Variants in ZNF385B observed in about 807,000 individuals in gnomAD.
The protein encoded by ZNF385B is zinc finger protein 385B, also known as zinc finger protein 533.
ZNF385B carries 23 observed loss-of-function variants against 39.2 expected under a neutral mutation model. That is an observed-to-expected ratio of 0.59 (90% CI 0.42 to 0.83). The LOEUF is 0.83. ZNF385B is among the 40% of genes least tolerant of loss of function. The pLI is 0.00. For missense variants in ZNF385B, 552 were observed against 598.9 expected, an observed-to-expected ratio of 0.92 and a Z score of 0.82; for synonymous variants, 205 against 222.6, an observed-to-expected ratio of 0.92 and a Z score of 0.70.
At chr2:179,571,689 G>T (rs879401028) in intron 3 of ZNF385B, among the ~76,000 whole-genome samples, 6 of 152,120 alleles carry the variant, frequency 3.9e-5, no homozygotes, top group Non-Finnish European at 8.8e-5. Context: ...TTCACATGGC[G>T]TTTCTCAAAT....
chr2:179,712,071 T>C (rs1700041887), intron 3 of ZNF385B, among the ~76,000 whole-genome samples: 1 of 152,016 alleles, frequency 6.6e-6, no homozygotes, highest in Admixed American at 6.6e-5. Context: ...ATGACACTCA[T>C]TAACATGGAT....
intron 3 of ZNF385B, among the ~76,000 whole-genome samples, chr2:179,574,227 T>C (rs180683124): frequency 1.7e-4 from 26 of 152,232 alleles, no homozygotes; most frequent in African/African-American, 6.3e-4. Flanking sequence ...CCACAATCTA[T>C]TTGGGGAAAA....
intron 3 of ZNF385B, among the ~76,000 whole-genome samples, chr2:179,721,320 T>C (rs553397186): frequency 1.5e-4 from 23 of 152,262 alleles, no homozygotes; most frequent in African/African-American, 5.5e-4. Context: ...AAATACAACT[T>C]AACCAAAATT....
chr2:179,856,857 A>G (rs183428254), intron 1 of ZNF385B, among the ~76,000 whole-genome samples: 1 of 152,344 alleles, frequency 6.6e-6, no homozygotes. Context: ...CCAAGCCCAC[A>G]GTACTTTCAA....
chr2:179,635,118 G>T (rs1438722189), intron 3 of ZNF385B, among the ~76,000 whole-genome samples: 1 of 151,416 alleles, frequency 6.6e-6, no homozygotes, highest in African/African-American at 2.4e-5. Context: ...CTCCAGCCTG[G>T]GCAACAGAGC....
intron 3 of ZNF385B, among the ~76,000 whole-genome samples, chr2:179,628,495 G>T (rs569405887): frequency 6.6e-6 from 1 of 152,240 alleles, no homozygotes; most frequent in Non-Finnish European, 1.5e-5. Context: ...AGACCTAGAG[G>T]TTTGAACAGA....
At chr2:179,696,099 T>C (rs180994677) in intron 3 of ZNF385B, among the ~76,000 whole-genome samples, 202 of 152,182 alleles carry the variant, frequency 1.3e-3, no homozygotes, top group African/African-American at 4.6e-3. Flanking sequence ...TTCCTTAGCA[T>C]TGAAGGTGTT....
intron 3 of ZNF385B, among the ~76,000 whole-genome samples, chr2:179,655,522 T>C (rs1243664249): frequency 6.8e-6 from 1 of 147,102 alleles, no homozygotes; most frequent in African/African-American, 2.5e-5. Flanking sequence ...CACATGTTAA[T>C]AGGTTAGGGT....
chr2:179,474,108 T>TAAA (rs10715636), intron 6 of ZNF385B, among the ~76,000 whole-genome samples: 6 of 146,676 alleles, frequency 4.1e-5, no homozygotes, highest in African/African-American at 1.5e-4. Context: ...CAATTTGATT[T>TAAA]AAAAAAAAAA....
intron 3 of ZNF385B, among the ~76,000 whole-genome samples, chr2:179,689,224 A>G (rs2106340072): frequency 6.6e-6 from 1 of 152,330 alleles, no homozygotes; most frequent in South Asian, 2.1e-4. Context: ...GGGTATGCTG[A>G]GGCAGATAAA....
intron 4 of ZNF385B, among the ~76,000 whole-genome samples, chr2:179,538,114 G>A (rs2105886071): frequency 6.6e-6 from 1 of 152,054 alleles, no homozygotes; most frequent in Admixed American, 6.6e-5. Context: ...TTATTTGACT[G>A]GGATAAATGT....
intron 6 of ZNF385B, among the ~76,000 whole-genome samples, chr2:179,468,204 T>C (rs1432503318): frequency 1.3e-5 from 2 of 152,230 alleles, no homozygotes; most frequent in African/African-American, 4.8e-5. Context: ...ACCTTCTGTA[T>C]CAGTGAACTG....
intron 3 of ZNF385B, among the ~76,000 whole-genome samples, chr2:179,746,627 C>T (rs1702398468): frequency 6.6e-6 from 1 of 152,122 alleles, no homozygotes; most frequent in African/African-American, 2.4e-5. Flanking sequence ...TATTTTAACA[C>T]TATAATCTTT....
intron 3 of ZNF385B, among the ~76,000 whole-genome samples, chr2:179,577,084 T>C (rs1342028274): frequency 6.6e-6 from 1 of 152,140 alleles, no homozygotes; most frequent in Non-Finnish European, 1.5e-5. Flanking sequence ...AAAGTATCAT[T>C]ATCTGCAAAT....
At position 179,584,216 on chromosome 2, in the gene ZNF385B, T is replaced by C. The variant is rs1434923302; in HGVS notation, c.299-39247A>G. The stretch of plus-strand genomic sequence containing the variant: ...AGGGATGTAGGCAGCATCCCTGGCC[T>C]CTACCTACTAGATGCCACTAGCATC... On this transcript the variant is annotated intron_variant, in intron 3 of 9. Transcript: ENST00000410066. 2.6e-5 allele frequency: 8 copies of C among 309,254 alleles called. No individual in the cohort carries two copies. In the East Asian group the frequency reaches 6.1e-4, roughly 24 times the overall value. The allele number at this position is 309,254 out of a possible 1,614,324, so 19.2% of individuals were successfully genotyped here. A position where few individuals can be genotyped will look rare whatever the true frequency, so the allele number is the denominator to read the frequency against.
At chr2:179,447,450 A>G (rs974606311) in intron 6 of ZNF385B, among the ~76,000 whole-genome samples, 1 of 152,194 alleles carries the variant, frequency 6.6e-6, no homozygotes, top group African/African-American at 2.4e-5. Context: ...ATTTAAAGAC[A>G]TTTTGGCAGT....
At chr2:179,502,873 C>A (rs913036421) in intron 5 of ZNF385B, among the ~76,000 whole-genome samples, 1 of 152,016 alleles carries the variant, frequency 6.6e-6, no homozygotes, top group African/African-American at 2.4e-5. Context: ...AGATCTCTAC[C>A]ACAACAATTT....
Position 179,557,207 on chromosome 2 carries a change from ACAAT to A in ZNF385B, c.299-12242_299-12239del, listed in dbSNP as rs1045270473. Among the ~76,000 whole-genome samples the A allele has an allele frequency of 1.5e-4, 22 of 149,502 alleles. 4 individuals carry two copies. Among genetic ancestry groups the A allele is most frequent in the African/African-American group, 5.0e-4 (20 of 39,652 alleles). Reference sequence around the variant, plus strand: ...CACTGTTTTGAATATTTAAGTCTGTACAATCAAAGATGTACAAGAATCATATATT... The same window carrying A: ...CACTGTTTTGAATATTTAAGTCTGTACAAAGATGTACAAGAATCATATATT... On this transcript the variant is annotated intron_variant, in intron 3 of 9. Transcript: ENST00000410066.
At chr2:179,817,030 A>C (rs114845936) in intron 1 of ZNF385B, among the ~76,000 whole-genome samples, 3,297 of 152,304 alleles carry the variant, frequency 0.022, 49 homozygotes, top group Non-Finnish European at 0.035. Context: ...ATTGTGAATA[A>C]CACTAGGCAT....
Sources: gnomAD v4.1 joint callset for allele counts (sites outside exome capture counted in the v4.1 genomes callset) on GRCh38, gnomAD v4.1.1 for gene constraint, MANE v1.5 for transcripts, NCBI Gene and HGNC (gene_info 2026-07-23, HGNC 2026-07-21) for gene names.